The following CNTNAP2 variants were observed in gnomAD, a reference collection of about 807,000 sequenced individuals.
The protein encoded by CNTNAP2 is contactin-associated protein-like 2.
A neutral mutation model predicts 155.2 loss-of-function variants in CNTNAP2; 98 were observed. The ratio of observed to expected loss-of-function variants is 0.63; its 90% CI spans 0.54 to 0.75. CNTNAP2 has a LOEUF of 0.75. Among genes scored for constraint, CNTNAP2 ranks in the 30% least tolerant of loss-of-function variants. CNTNAP2 has a pLI of 0.00. For missense variants in CNTNAP2, 1,727 were observed against 1,688.1 expected, an observed-to-expected ratio of 1.02 and a Z score of -0.40; for synonymous variants, 651 against 631.2, an observed-to-expected ratio of 1.03 and a Z score of -0.47.
At chr7:147,423,819 A>G (rs1267495079) in intron 10 of CNTNAP2, among the ~76,000 whole-genome samples, 3 of 152,184 alleles carry the variant, frequency 2.0e-5, no homozygotes, top group African/African-American at 7.2e-5. Flanking sequence ...CACTGTTAAC[A>G]AAAGTTACAT....
chr7:146,576,239 T>G lies in CNTNAP2; in HGVS notation c.98-198032T>G, dbSNP rs573172049. Among the ~76,000 whole-genome samples the G allele has an allele frequency of 3.9e-5, 6 of 152,322 alleles. No homozygotes were observed. The East Asian group carries it at 1.2e-3, about 29-fold the overall frequency. On this transcript the variant is annotated intron_variant, in intron 1 of 23. Coordinates refer to ENST00000361727, the MANE Select transcript of CNTNAP2 (RefSeq NM_014141.6). Reference sequence around the variant, plus strand: ...TTTCTTTAAAGGTTGCCATTAGAGTTTTATCCTGAACCATTATTTAATAGA... The same window carrying G: ...TTTCTTTAAAGGTTGCCATTAGAGTGTTATCCTGAACCATTATTTAATAGA...
chr7:147,723,753 T>G (rs780125834), intron 13 of CNTNAP2, among the ~76,000 whole-genome samples: 1 of 152,054 alleles, frequency 6.6e-6, no homozygotes, highest in Non-Finnish European at 1.5e-5. Flanking sequence ...TTCCTTTTAA[T>G]TGACACACAA....
At chr7:146,275,069 A>G (rs1045782270) in intron 1 of CNTNAP2, among the ~76,000 whole-genome samples, 3 of 152,150 alleles carry the variant, frequency 2.0e-5, no homozygotes, top group Admixed American at 6.5e-5. Context: ...GACATGGTGC[A>G]TTTTTAGATC....
At chr7:146,957,271 A>G (rs1797456465) in intron 3 of CNTNAP2, among the ~76,000 whole-genome samples, 1 of 152,154 alleles carries the variant, frequency 6.6e-6, no homozygotes, top group Admixed American at 6.5e-5. Context: ...AAATATAGAA[A>G]ATGTAATGCA....
intron 8 of CNTNAP2, among the ~76,000 whole-genome samples, chr7:147,197,357 A>G (rs1371479646): frequency 9.1e-6 from 1 of 110,490 alleles, no homozygotes; most frequent in East Asian, 3.0e-4. Flanking sequence ...CGTGGAGTGT[A>G]CTTTCGTTTT....
At chr7:147,039,901 G>T (rs1376092282) in intron 3 of CNTNAP2, among the ~76,000 whole-genome samples, 1 of 152,140 alleles carries the variant, frequency 6.6e-6, no homozygotes, top group Non-Finnish European at 1.5e-5. Flanking sequence ...AATGGGCAAA[G>T]ATTTCATGCC....
intron 21 of CNTNAP2, among the ~76,000 whole-genome samples, chr7:148,352,784 C>T (rs13437944): frequency 0.012 from 1,776 of 152,256 alleles, 33 homozygotes; most frequent in African/African-American, 0.04. Flanking sequence ...GACTGGAAGC[C>T]GCCACTCTCA....
chr7:146,788,825 TTTTTGTTTTG>T (rs372040102), intron 2 of CNTNAP2, among the ~76,000 whole-genome samples: 3 of 152,022 alleles, frequency 2.0e-5, no homozygotes, highest in Non-Finnish European at 2.9e-5. Context: ...TCCACGTGTT[TTTTTGTTTTG>T]TTTTGTTTTG....
At chr7:148,273,975 CATACTT>C (rs1232297672) in intron 21 of CNTNAP2, among the ~76,000 whole-genome samples, 2 of 152,196 alleles carry the variant, frequency 1.3e-5, no homozygotes, top group African/African-American at 4.8e-5. Context: ...AAGGAACTGA[CATACTT>C]AGATCTTCAT....
intron 15 of CNTNAP2, among the ~76,000 whole-genome samples, chr7:148,089,750 T>C (rs1243131059): frequency 1.3e-5 from 2 of 151,634 alleles, no homozygotes; most frequent in African/African-American, 4.8e-5. Context: ...CCTATAAAAA[T>C]TCCAATAACA....
intron 21 of CNTNAP2, among the ~76,000 whole-genome samples, chr7:148,368,000 C>A (rs1798817173): frequency 6.6e-6 from 1 of 152,052 alleles, no homozygotes. Flanking sequence ...AATTAAGATC[C>A]CCCAAGCAAA....
intron 13 of CNTNAP2, among the ~76,000 whole-genome samples, chr7:147,895,119 G>A (rs1038077158): frequency 1.2e-4 from 18 of 151,300 alleles, no homozygotes; most frequent in African/African-American, 4.4e-4. Flanking sequence ...GATTACAGGT[G>A]CACACCACCA....
chr7:147,117,561 C>T (rs1321518854), intron 5 of CNTNAP2, among the ~76,000 whole-genome samples: 1 of 152,154 alleles, frequency 6.6e-6, no homozygotes, highest in Non-Finnish European at 1.5e-5. Context: ...TCCTTGAGCA[C>T]TGCAGACTTC....
At chr7:148,413,376 G>A (rs1220851998) in intron 23 of CNTNAP2, among the ~76,000 whole-genome samples, 15 of 85,924 alleles carry the variant, frequency 1.7e-4, no homozygotes, top group African/African-American at 6.1e-4. Flanking sequence ...TGGGCAACAA[G>A]AGTGAAACTC....
chr7:147,393,734 C>A (rs943106959), intron 9 of CNTNAP2, among the ~76,000 whole-genome samples: 3 of 151,964 alleles, frequency 2.0e-5, no homozygotes, highest in Non-Finnish European at 4.4e-5. Context: ...CACATACACA[C>A]ACACACGAGC....
chr7:147,817,059 C>A (rs1798276518), intron 13 of CNTNAP2, among the ~76,000 whole-genome samples: 1 of 152,056 alleles, frequency 6.6e-6, no homozygotes, highest in Admixed American at 6.6e-5. Flanking sequence ...GGGAAGGAAG[C>A]AGTTAAATGA....
At chr7:147,633,921 C>T (rs1160282232) in intron 12 of CNTNAP2, among the ~76,000 whole-genome samples, 1 of 152,108 alleles carries the variant, frequency 6.6e-6, no homozygotes, top group Non-Finnish European at 1.5e-5. Flanking sequence ...TACCTTATTC[C>T]TGCAAGAATG....
chr7:146,372,966 C>T (rs769739602), intron 1 of CNTNAP2, among the ~76,000 whole-genome samples: 3 of 152,062 alleles, frequency 2.0e-5, no homozygotes, highest in Non-Finnish European at 4.4e-5. Context: ...TCACATATTA[C>T]CTGAAAAAAT....
chr7:148,253,047 TAGAC>T (rs1554408040), intron 20 of CNTNAP2, among the ~76,000 whole-genome samples: 18 of 125,558 alleles, frequency 1.4e-4, no homozygotes, highest in African/African-American at 4.6e-4. Context: ...GATAGATAGA[TAGAC>T]AGATGATAGA....
Sources: gnomAD v4.1 joint callset for allele counts (sites outside exome capture counted in the v4.1 genomes callset) on GRCh38, gnomAD v4.1.1 for gene constraint, MANE v1.5 for transcripts, NCBI Gene and HGNC (gene_info 2026-07-23, HGNC 2026-07-21) for gene names.